CCND2: variants seen among roughly 807,000 people sequenced by gnomAD.
The protein encoded by CCND2 is G1/S-specific cyclin-D2.
CCND2 carries 6 observed loss-of-function variants against 30.2 expected under a neutral mutation model. The ratio of observed to expected loss-of-function variants is 0.20; its 90% CI spans 0.11 to 0.39. CCND2 has a LOEUF of 0.39. Ranked by LOEUF, CCND2 falls within the 10% of genes least tolerant of loss-of-function variation. The pLI is 1.00. For synonymous variants in CCND2, 150 were observed against 153.1 expected (o/e 0.98, Z 0.15); for missense variants, 235 against 373.4 (o/e 0.63, Z 3.06).
Position 4,278,818 on chromosome 12 carries a change from A to G in CCND2, c.470A>G (p.His157Arg). The G allele has an allele frequency of 6.2e-7, 1 of 1,614,206 alleles. No individual in the cohort carries two copies. Among genetic ancestry groups the G allele is most frequent in the Non-Finnish European group, 8.5e-7 (1 of 1,180,028 alleles). The change falls in exon 3 of 5, where the codon CAT (histidine) becomes CGT (arginine). Residue 157 changes from histidine to arginine, a missense_variant. Coordinates refer to ENST00000261254, the MANE Select transcript of CCND2 (RefSeq NM_001759.4). ...LKWNLAAVTP[H>R]DFIEHILRKL... ...TGGAACCTGGCAGCTGTCACTCCTC[A>G]TGACTTCATTGAGCACATCTTGCGC...
At position 4,285,469 on chromosome 12, in the gene CCND2, A is replaced by C. The variant is rs1364960933; in HGVS notation, c.572-3373A>C. ...ATTTGTTAAAATAATATTACGTACA[A>C]ATTTTACAAACTCATCTGTGTTTCT... On this transcript the variant is annotated intron_variant, in intron 3 of 4. Coordinates refer to ENST00000261254, the MANE Select transcript of CCND2 (RefSeq NM_001759.4). The surrounding 1 kb of genome is among the most constrained non-coding windows in gnomAD (Gnocchi z 4.1). The C allele has an allele frequency of 2.1e-6, 2 of 972,230 alleles. No homozygotes were observed. The highest frequency in any genetic ancestry group is 3.5e-5 in the African/African-American group (2 of 57,016). 60.2% of individuals were successfully genotyped at this position (972,230 alleles called of 1,614,324 possible).
intron 4 of CCND2, 95 bp downstream of exon 4, chr12:4,289,085 T>C: frequency 7.8e-7 from 1 of 1,277,878 alleles, no homozygotes; most frequent in Non-Finnish European, 1.1e-6. Context: ...CAGAGGTATT[T>C]TTCTGGTTTG....
Position 4,276,013 on chromosome 12 carries a change from G to T in CCND2, c.204G>T (p.Glu68Asp). 6.2e-7 allele frequency: 1 copy of T among 1,604,976 alleles called. No homozygotes were observed. Reference sequence around the variant, plus strand: ...TCCCACTCCCATTATAGGTCTGTGAGGAACAGAAGTGCGAAGAAGAGGTCT... The same window carrying T: ...TCCCACTCCCATTATAGGTCTGTGATGAACAGAAGTGCGAAGAAGAGGTCT... The part of the protein sequence containing the change: ...MVATWMLEVC[E>D]EQKCEEEVFP... Residue 68 changes from glutamate to aspartate, a missense_variant, in exon 2 of 5, where the codon GAG (glutamate) becomes GAT (aspartate). Coordinates refer to ENST00000261254, the MANE Select transcript of CCND2 (RefSeq NM_001759.4). This position sits in a 1 kb window ranked among gnomAD's most constrained non-coding sequence, Gnocchi z 4.8.
At chr12:4,296,623 C>T (rs555212883) in intron 4 of CCND2, among the ~76,000 whole-genome samples, 3 of 151,870 alleles carry the variant, frequency 2.0e-5, no homozygotes, top group Non-Finnish European at 2.9e-5. Flanking sequence ...CTTCCATGGA[C>T]AGGTATTCAG....
At chr12:4,297,973 C>T (rs542315293) in intron 4 of CCND2, 16 of 292,982 alleles carry the variant, frequency 5.5e-5, no homozygotes, top group Admixed American at 2.7e-4. Flanking sequence ...TCTTGACACA[C>T]GCTTCATTAG....
rs1379022407 is a variant in CCND2, at chr12:4,301,849, A to T, written c.*1840A>T. On this transcript the variant is annotated 3_prime_UTR_variant, in exon 5 of 5. Coordinates refer to ENST00000261254, the MANE Select transcript of CCND2 (RefSeq NM_001759.4). ...CCAAGTCCTGAAGTAGATGGTTGAG[A>T]TATGAGTTCTTCGTACTGGAAAAGC... is the stretch of plus-strand genomic sequence containing the variant. 3 of 231,566 alleles carry T rather than the reference A, an allele frequency of 1.3e-5. No individual in the cohort carries two copies. The highest frequency in any genetic ancestry group is 2.6e-5 in the Non-Finnish European group (3 of 117,304). 14.3% of individuals were successfully genotyped at this position (231,566 alleles called of 1,614,324 possible).
rs147354749 is a variant in CCND2 at position 4,281,529 on chromosome 12, G to A, written c.571+2610G>A. On this transcript the variant is annotated intron_variant, in intron 3 of 4. Transcript: ENST00000261254. ...GTTGCCCTCACCTGCTCCTCAAATC[G>A]CACACTTCCCTCCTTTTCTCGCAGT... Among the ~76,000 whole-genome samples the A allele has an allele frequency of 2.2e-4, 33 of 151,994 alleles. No homozygotes were observed. The East Asian group carries it at 6.2e-3, about 29-fold the overall frequency.
chr12:4,277,897 C>G (rs1049645873), intron 2 of CCND2, among the ~76,000 whole-genome samples: 13 of 152,220 alleles, frequency 8.5e-5, no homozygotes, highest in Non-Finnish European at 4.4e-5. Context: ...TATTTTGGAC[C>G]GTTTCCCTTT....
rs935635932 is a variant in CCND2 at position 4,301,563 on chromosome 12, A to G, written c.*1554A>G. The G allele has an allele frequency of 8.6e-6, 2 of 232,712 alleles. No homozygotes were observed. The highest frequency in any genetic ancestry group is 1.7e-5 in the Non-Finnish European group (2 of 117,696). 14.4% of individuals were successfully genotyped at this position (232,712 alleles called of 1,614,324 possible). On this transcript the variant is annotated 3_prime_UTR_variant, in exon 5 of 5. Coordinates refer to ENST00000261254, the MANE Select transcript of CCND2 (RefSeq NM_001759.4). ...TTTTTAAGTAAAAAAGAAAAATCAG[A>G]ACAGGGCTATTTGAAGAATTATTTT...
chr12:4,305,215 AAG>A lies in CCND2; in HGVS notation c.*5209_*5210del, dbSNP rs1864300703. 1 of 233,000 alleles carries A rather than the reference AAG, an allele frequency of 4.3e-6. No individual in the cohort carries two copies. Among genetic ancestry groups the A allele is most frequent in the Admixed American group, 5.6e-5 (1 of 17,762 alleles). 14.4% of individuals were successfully genotyped at this position (233,000 alleles called of 1,614,324 possible). On this transcript the variant is annotated 3_prime_UTR_variant, in exon 5 of 5. Coordinates refer to ENST00000261254, the MANE Select transcript of CCND2 (RefSeq NM_001759.4). This position sits in a 1 kb window ranked among gnomAD's most constrained non-coding sequence, Gnocchi z 6.4. ...GACATGATATAGTCAGCTGCCTTTT[AAG>A]AGGTCTTATCTGTTCAGTGTTAAGT... is the stretch of plus-strand genomic sequence containing the variant.
chr12:4,283,188 C>T (rs1328425555), intron 3 of CCND2, among the ~76,000 whole-genome samples: 1 of 152,210 alleles, frequency 6.6e-6, no homozygotes, highest in Non-Finnish European at 1.5e-5. Flanking sequence ...TGAAATGGAG[C>T]ACTTCTCAGG....
Position 4,285,935 on chromosome 12 carries a change from C to G in CCND2, c.572-2907C>G, listed in dbSNP as rs1864017063. 1.3e-5 allele frequency among the ~76,000 whole-genome samples: 2 copies of G among 152,234 alleles called. No homozygotes were observed. Among genetic ancestry groups the G allele is most frequent in the South Asian group, 4.2e-4 (2 of 4,808 alleles). ...TTGTGAATTTGCCGGCTGGTAGACA[C>G]CGTGATCCATTCTATTGTCTCCTCA... On this transcript the variant is annotated intron_variant, in intron 3 of 4. Coordinates refer to ENST00000261254, the MANE Select transcript of CCND2 (RefSeq NM_001759.4). The surrounding 1 kb of genome is among the most constrained non-coding windows in gnomAD (Gnocchi z 4.1).
rs921980286 is a variant in CCND2, at chr12:4,304,984, T to C, written c.*4975T>C. 3.1e-5 allele frequency: 7 copies of C among 227,388 alleles called. No homozygotes were observed. The highest frequency in any genetic ancestry group is 6.0e-5 in the Non-Finnish European group (7 of 117,292). The allele number at this position is 227,388 out of a possible 1,614,324, so 14.1% of individuals were successfully genotyped here. ...TGTAGTTTCTTGTCTTGGACTTTTT[T>C]TTTTCTTTTCTTTTTCTTTTTTTTT... On this transcript the variant is annotated 3_prime_UTR_variant, in exon 5 of 5. Coordinates refer to ENST00000261254, the MANE Select transcript of CCND2 (RefSeq NM_001759.4). This position sits in a 1 kb window ranked among gnomAD's most constrained non-coding sequence, Gnocchi z 6.2.
intron 4 of CCND2, among the ~76,000 whole-genome samples, chr12:4,296,202 A>G (rs949511156): frequency 6.6e-6 from 1 of 152,236 alleles, no homozygotes; most frequent in South Asian, 2.1e-4. Context: ...ATGGCTGGCA[A>G]TGGTTAATTC....
rs770240504 is a variant in CCND2, at chr12:4,302,894, T to C, written c.*2885T>C. On this transcript the variant is annotated 3_prime_UTR_variant, in exon 5 of 5. Coordinates refer to ENST00000261254, the MANE Select transcript of CCND2 (RefSeq NM_001759.4). ...AATTCTGAAGTTTTGGAGAGGGAAG[T>C]GGAGCAGCCAGCAAGTAAGCTAGCC... is the stretch of plus-strand genomic sequence containing the variant. 2.6e-5 allele frequency: 6 copies of C among 233,110 alleles called. No individual in the cohort carries two copies. Among genetic ancestry groups the C allele is most frequent in the Non-Finnish European group, 3.4e-5 (4 of 118,100 alleles). 14.4% of individuals were successfully genotyped at this position (233,110 alleles called of 1,614,324 possible).
intron 4 of CCND2, among the ~76,000 whole-genome samples, chr12:4,294,613 T>C (rs750503087): frequency 1.2e-4 from 18 of 152,176 alleles, no homozygotes; most frequent in Non-Finnish European, 2.5e-4. Context: ...TCAAGGTATA[T>C]AGGAAAAAGG....
Position 4,299,926 on chromosome 12 carries a change from C to G in CCND2, c.787C>G (p.Gln263Glu). Residue 263 changes from glutamine to glutamate, a missense_variant, in exon 5 of 5, where the codon CAG becomes GAG. By Grantham distance (29) the Gln-to-Glu change is conservative (BLOSUM62 2). Coordinates refer to ENST00000261254, the MANE Select transcript of CCND2 (RefSeq NM_001759.4). The surrounding 1 kb of genome is among the most constrained non-coding windows in gnomAD (Gnocchi z 5.2). The stretch of plus-strand genomic sequence containing the variant: ...CCTCAATAGCCTGCAGCAGTACCGT[C>G]AGGACCAACGTGACGGATCCAAGTC... ...VLLNSLQQYR[Q>E]DQRDGSKSED... 1 of 1,614,174 alleles carries G rather than the reference C, an allele frequency of 6.2e-7. No homozygotes were observed. Among genetic ancestry groups the G allele is most frequent in the Non-Finnish European group, 8.5e-7 (1 of 1,180,024 alleles).
rs117148336 is a variant in CCND2, at chr12:4,294,873, A to G, written c.721-4987A>G. 4.7e-3 allele frequency among the ~76,000 whole-genome samples: 714 copies of G among 152,282 alleles called. 2 individuals carry two copies. Among genetic ancestry groups the G allele is most frequent in the Middle Eastern group, 0.01 (3 of 294 alleles). On this transcript the variant is annotated intron_variant, in intron 4 of 4. Transcript: ENST00000261254. The stretch of plus-strand genomic sequence containing the variant: ...ACTCTTCTCTCAGCTTGATCCTCTA[A>G]TAGAAGCAACCTGGTTGGATTTAAG...
chr12:4,301,219 G>A lies in CCND2; in HGVS notation c.*1210G>A, dbSNP rs1391096452. ...CAGACAAGCCTGTAAACTAAAATCT[G>A]TTACCATTCTGATGGCACAGAAGGA... On this transcript the variant is annotated 3_prime_UTR_variant, in exon 5 of 5. Transcript: ENST00000261254. 2.1e-5 allele frequency: 5 copies of A among 233,468 alleles called. No homozygotes were observed. In the East Asian group the frequency reaches 3.0e-4, roughly 14 times the overall value. The allele number at this position is 233,468 out of a possible 1,614,324, so 14.5% of individuals were successfully genotyped here. A position where few individuals can be genotyped will look rare whatever the true frequency, so the allele number is the denominator to read the frequency against.
Sources: gnomAD v4.1 joint callset for allele counts (sites outside exome capture counted in the v4.1 genomes callset) on GRCh38, gnomAD v4.1.1 for gene constraint, Gnocchi (gnomAD v3.1) non-coding constraint, MANE v1.5 for transcripts, NCBI Gene and HGNC (gene_info 2026-07-23, HGNC 2026-07-21) for gene names.